Variants in PTPN2 observed in about 807,000 individuals in gnomAD.
PTPN2 encodes the protein tyrosine-protein phosphatase non-receptor type 2.
In PTPN2, 19 loss-of-function variants were observed where a neutral mutation model predicts 57.3. The observed-to-expected ratio is 0.33, with a 90% CI of 0.23 to 0.49. The LOEUF (loss-of-function observed/expected upper bound fraction) is 0.49. Among genes scored for constraint, PTPN2 ranks in the 20% least tolerant of loss-of-function variants. The pLI is 0.99. For missense variants in PTPN2, 358 were observed against 501.1 expected (o/e 0.71, Z 2.73); for synonymous variants, 153 against 164.9 (o/e 0.93, Z 0.55).
At chr18:12,814,399 C>A in intron 6 of PTPN2, 44 bp from the exon 7 acceptor site, 1 of 1,507,154 alleles carries the variant, frequency 6.6e-7, no homozygotes, top group Non-Finnish European at 8.9e-7. Context: ...TTATTGGAAC[C>A]CAGGAAACAG....
chr18:12,856,603 A>C (rs1043484611), intron 2 of PTPN2, among the ~76,000 whole-genome samples: 4 of 152,190 alleles, frequency 2.6e-5, no homozygotes, highest in African/African-American at 9.7e-5. Context: ...AGGCCTGATA[A>C]CGCATATTTT....
At chr18:12,841,541 T>C (rs1365605061) in intron 2 of PTPN2, among the ~76,000 whole-genome samples, 2 of 152,226 alleles carry the variant, frequency 1.3e-5, no homozygotes, top group East Asian at 1.9e-4. Flanking sequence ...ATTTCCAAGG[T>C]AGCACCATCA....
At chr18:12,822,656 C>T (rs537460767) in intron 5 of PTPN2, among the ~76,000 whole-genome samples, 1 of 152,168 alleles carries the variant, frequency 6.6e-6, no homozygotes, top group Non-Finnish European at 1.5e-5. Context: ...TAGATGCAAA[C>T]TGGATCTCTG....
chr18:12,849,970 T>C (rs1197860328), intron 2 of PTPN2, among the ~76,000 whole-genome samples: 2 of 152,186 alleles, frequency 1.3e-5, no homozygotes, highest in Non-Finnish European at 2.9e-5. Context: ...TCTCCTGATA[T>C]TGTTTATATG....
intron 1 of PTPN2, among the ~76,000 whole-genome samples, chr18:12,874,286 G>A (rs1367478097): frequency 3.0e-5 from 4 of 132,436 alleles, no homozygotes; most frequent in African/African-American, 8.7e-5. Flanking sequence ...CAGCCGCCCC[G>A]TCCGGGAGGG....
At chr18:12,809,619 C>T (rs772185451) in intron 7 of PTPN2, among the ~76,000 whole-genome samples, 3 of 152,108 alleles carry the variant, frequency 2.0e-5, no homozygotes, top group Admixed American at 6.5e-5. Flanking sequence ...CTATCAAGGA[C>T]GCAAGGAGTC....
chr18:12,828,532 T>G (rs1042641242), intron 4 of PTPN2, among the ~76,000 whole-genome samples: 4 of 152,212 alleles, frequency 2.6e-5, no homozygotes, highest in Non-Finnish European at 5.9e-5. Context: ...AAATGAGTCA[T>G]TACAAGATAG....
rs2042520003 is a variant in PTPN2, at chr18:12,827,534, G to A, written c.361-1590C>T. Among the ~76,000 whole-genome samples the A allele has an allele frequency of 8.6e-5, 13 of 151,754 alleles. No homozygotes were observed. The South Asian group carries it at 2.5e-3, about 29-fold the overall frequency. ...ACCCCAGCTGGGACTCCAGGTGCGT[G>A]CCACCACACCTGGCTACTTTTTGTA... is the stretch of plus-strand genomic sequence containing the variant. On this transcript the variant is annotated intron_variant, in intron 4 of 8. Coordinates refer to ENST00000309660, the MANE Select transcript of PTPN2 (RefSeq NM_002828.4).
chr18:12,877,049 T>C (rs1402067171), intron 1 of PTPN2, among the ~76,000 whole-genome samples: 2 of 152,212 alleles, frequency 1.3e-5, no homozygotes, highest in East Asian at 1.9e-4. Context: ...CTAGCAGATA[T>C]TGTAACATCA....
chr18:12,833,743 G>A (rs549219522), intron 3 of PTPN2, among the ~76,000 whole-genome samples: 2 of 152,266 alleles, frequency 1.3e-5, no homozygotes, highest in East Asian at 3.9e-4. Context: ...CAGGACAGGT[G>A]TAATTGAAGA....
Position 12,870,889 on chromosome 18 carries a change from G to A in PTPN2, c.70-11635C>T, listed in dbSNP as rs907048417. On this transcript the variant is annotated intron_variant, in intron 1 of 8. Coordinates refer to ENST00000309660, the MANE Select transcript of PTPN2 (RefSeq NM_002828.4). ...ATGTATACATGGATTACATGGACTT[G>A]GCAAAAATTAAACCGTACAAAAGGG... Among the ~76,000 whole-genome samples, 5 of 151,920 alleles carry A rather than the reference G, an allele frequency of 3.3e-5. No individual in the cohort carries two copies. The South Asian group carries it at 8.3e-4, about 25-fold the overall frequency.
At position 12,880,596 on chromosome 18, in the gene PTPN2, G is replaced by A. The variant is rs543259822; in HGVS notation, c.69+3477C>T. ...GCTGCTCAATGTCATGGCCCTCTCA[G>A]GCTGGCCCTTACCTGTCAGGTGGCC... On this transcript the variant is annotated intron_variant, in intron 1 of 8. Transcript: ENST00000309660. 9 of 152,492 alleles carry A rather than the reference G, an allele frequency of 5.9e-5. No individual in the cohort carries two copies. The East Asian group carries it at 1.5e-3, about 26-fold the overall frequency. The allele number at this position is 152,492 out of a possible 1,614,324, so 9.4% of individuals were successfully genotyped here. A position where few individuals can be genotyped will look rare whatever the true frequency, so the allele number is the denominator to read the frequency against.
At chr18:12,809,620 G>A (rs1007220133) in intron 7 of PTPN2, among the ~76,000 whole-genome samples, 14 of 152,192 alleles carry the variant, frequency 9.2e-5, no homozygotes, top group African/African-American at 2.4e-4. Flanking sequence ...TATCAAGGAC[G>A]CAAGGAGTCT....
At chr18:12,808,674 G>C (rs559807602) in intron 7 of PTPN2, among the ~76,000 whole-genome samples, 1 of 151,954 alleles carries the variant, frequency 6.6e-6, no homozygotes, top group African/African-American at 2.4e-5. Flanking sequence ...CCAGCTACTC[G>C]GGAGGCTGAG....
At chr18:12,870,040 T>C (rs1027669162) in intron 1 of PTPN2, among the ~76,000 whole-genome samples, 2 of 151,558 alleles carry the variant, frequency 1.3e-5, no homozygotes, top group Admixed American at 1.3e-4. Flanking sequence ...TTTTCTTCAC[T>C]ACATTTTTTT....
At chr18:12,875,407 A>C (rs1168037634) in intron 1 of PTPN2, among the ~76,000 whole-genome samples, 1 of 152,178 alleles carries the variant, frequency 6.6e-6, no homozygotes, top group African/African-American at 2.4e-5. Context: ...GCCTGTGGAA[A>C]TGTATCTCTT....
intron 2 of PTPN2, among the ~76,000 whole-genome samples, chr18:12,854,195 C>A (rs2043494595): frequency 6.6e-6 from 1 of 151,460 alleles, no homozygotes; most frequent in African/African-American, 2.4e-5. Flanking sequence ...CCCATCTCTA[C>A]AAAAAATCTA....
chr18:12,878,163 CCT>C (rs2044553900), intron 1 of PTPN2, among the ~76,000 whole-genome samples: 1 of 151,648 alleles, frequency 6.6e-6, no homozygotes, highest in Non-Finnish European at 1.5e-5. Flanking sequence ...ATAGTTAAAC[CCT>C]GTCTCTACAA....
chr18:12,792,173 T>C lies in PTPN2; in HGVS notation c.*2105A>G, dbSNP rs1337772269. On this transcript the variant is annotated 3_prime_UTR_variant, in exon 9 of 9. Coordinates refer to ENST00000309660, the MANE Select transcript of PTPN2 (RefSeq NM_002828.4). Reference sequence around the variant, plus strand: ...CACATGTTATATAAATCTTATTTAATATGTAGTACCACCTACATCCTGCTT... The same window carrying C: ...CACATGTTATATAAATCTTATTTAACATGTAGTACCACCTACATCCTGCTT... 4 of 864,164 alleles carry C rather than the reference T, an allele frequency of 4.6e-6. No individual in the cohort carries two copies. Among genetic ancestry groups the C allele is most frequent in the Non-Finnish European group, 5.6e-6 (4 of 718,832 alleles). 53.5% of individuals were successfully genotyped at this position (864,164 alleles called of 1,614,324 possible).
Sources: gnomAD v4.1 joint callset for allele counts (sites outside exome capture counted in the v4.1 genomes callset) on GRCh38, gnomAD v4.1.1 for gene constraint, MANE v1.5 for transcripts, NCBI Gene and HGNC (gene_info 2026-07-23, HGNC 2026-07-21) for gene names.